The following PCDH9 variants were observed in gnomAD, a reference collection of about 807,000 sequenced individuals.
PCDH9 encodes protocadherin-9.
Under a neutral mutation model 70.6 loss-of-function variants are expected in PCDH9, and 24 were observed. That is an observed-to-expected ratio of 0.34 (90% CI 0.25 to 0.48). The LOEUF (loss-of-function observed/expected upper bound fraction) is 0.48. PCDH9 is among the 20% of genes least tolerant of loss of function. PCDH9 has a pLI of 0.99. For synonymous variants in PCDH9, 562 were observed against 558.5 expected (o/e 1.01, Z -0.09); for missense variants, 1,281 against 1,503.6 (o/e 0.85, Z 2.45).
rs999881551 is a variant in PCDH9, at chr13:67,161,897, C to G, written c.3036+63508G>C. Among the ~76,000 whole-genome samples the G allele has an allele frequency of 7.2e-5, 11 of 152,170 alleles. 1 individual carries two copies. Among genetic ancestry groups the G allele is most frequent in the Non-Finnish European group, 1.5e-5 (1 of 68,030 alleles). On this transcript the variant is annotated intron_variant, in intron 2 of 4. Transcript: ENST00000377865. ...TCCTCCAAGGAATATAGAGTTTCAG[C>G]CTTCTTCCAACTTACTAAAGTGATA...
At chr13:66,747,958 T>C (rs186034485) in intron 3 of PCDH9, among the ~76,000 whole-genome samples, 2 of 152,278 alleles carry the variant, frequency 1.3e-5, no homozygotes, top group Admixed American at 1.3e-4. Flanking sequence ...TTCAATGTAG[T>C]TCAGGATATA....
At chr13:67,166,204 T>C (rs1566468627) in intron 2 of PCDH9, among the ~76,000 whole-genome samples, 1 of 152,174 alleles carries the variant, frequency 6.6e-6, no homozygotes, top group Non-Finnish European at 1.5e-5. Context: ...TTATTCTCCT[T>C]TGATACAATT....
At chr13:66,403,837 C>G (rs1253970830) in intron 4 of PCDH9, among the ~76,000 whole-genome samples, 1 of 152,002 alleles carries the variant, frequency 6.6e-6, no homozygotes, top group Non-Finnish European at 1.5e-5. Flanking sequence ...CTTACAGACC[C>G]CAGGAGTCCC....
intron 2 of PCDH9, among the ~76,000 whole-genome samples, chr13:66,936,966 A>C (rs566458297): frequency 6.6e-6 from 1 of 152,238 alleles, no homozygotes; most frequent in African/African-American, 2.4e-5. Context: ...GTGGCGCATA[A>C]TTTGGAAAGG....
intron 2 of PCDH9, among the ~76,000 whole-genome samples, chr13:67,088,710 G>A (rs992575056): frequency 1.3e-5 from 2 of 152,084 alleles, no homozygotes; most frequent in East Asian, 1.9e-4. Context: ...TATAACATCA[G>A]GCTCCAGAGT....
At chr13:66,345,014 C>T (rs1460625213) in intron 4 of PCDH9, among the ~76,000 whole-genome samples, 11 of 152,192 alleles carry the variant, frequency 7.2e-5, no homozygotes, top group African/African-American at 2.7e-4. Flanking sequence ...CCACTACATG[C>T]ATGTGACACT....
intron 2 of PCDH9, among the ~76,000 whole-genome samples, chr13:67,089,476 T>G (rs1325973705): frequency 3.3e-5 from 5 of 151,980 alleles, no homozygotes; most frequent in African/African-American, 1.2e-4. Context: ...CATGTACTTA[T>G]TTTTCCACAT....
intron 2 of PCDH9, among the ~76,000 whole-genome samples, chr13:66,940,922 A>G (rs992985373): frequency 2.1e-4 from 32 of 151,962 alleles, no homozygotes; most frequent in African/African-American, 7.5e-4. Flanking sequence ...ACTCTTTAGG[A>G]TTCTTATGAA....
At chr13:67,111,562 T>C (rs906559728) in intron 2 of PCDH9, among the ~76,000 whole-genome samples, 2 of 152,160 alleles carry the variant, frequency 1.3e-5, no homozygotes, top group African/African-American at 4.8e-5. Flanking sequence ...AAAGGGAATA[T>C]TAGAGAAATT....
intron 4 of PCDH9, among the ~76,000 whole-genome samples, chr13:66,605,511 G>A (rs775416213): frequency 6.6e-6 from 1 of 152,102 alleles, no homozygotes; most frequent in Non-Finnish European, 1.5e-5. Context: ...GCACTTACAA[G>A]TATTGAACTG....
At chr13:67,223,570 T>C (rs2089780593) in intron 2 of PCDH9, 1 of 152,186 alleles carries the variant, frequency 6.6e-6, no homozygotes, top group South Asian at 2.1e-4. Flanking sequence ...TAAGAGCAAC[T>C]TTTTAATCAA....
chr13:66,654,696 T>C (rs953208674), intron 3 of PCDH9, among the ~76,000 whole-genome samples: 2 of 152,002 alleles, frequency 1.3e-5, no homozygotes, highest in Non-Finnish European at 1.5e-5. Flanking sequence ...ACTTGTTGTT[T>C]GTTGTTGTCT....
At chr13:66,776,123 G>A (rs142581805) in intron 3 of PCDH9, among the ~76,000 whole-genome samples, 1,565 of 151,988 alleles carry the variant, frequency 0.01, 31 homozygotes, top group African/African-American at 0.036. Flanking sequence ...TTGATGGGAC[G>A]TATCTCAAAA....
chr13:67,004,344 G>A (rs2084305553), intron 2 of PCDH9, among the ~76,000 whole-genome samples: 2 of 151,882 alleles, frequency 1.3e-5, no homozygotes, highest in African/African-American at 4.8e-5. Context: ...GCCGAGCCAG[G>A]TGGATCACCT....
chr13:67,208,019 G>C (rs2089391259), intron 2 of PCDH9: 1 of 152,096 alleles, frequency 6.6e-6, no homozygotes, highest in Admixed American at 6.5e-5. Context: ...TCAGATTCCA[G>C]TAACACCATC....
At chr13:66,571,407 A>C (rs2076730952) in intron 4 of PCDH9, among the ~76,000 whole-genome samples, 1 of 152,050 alleles carries the variant, frequency 6.6e-6, no homozygotes, top group African/African-American at 2.4e-5. Context: ...CTAATTGTAC[A>C]TGGAAAATTA....
chr13:66,983,952 A>T (rs1398288768), intron 2 of PCDH9, among the ~76,000 whole-genome samples: 2 of 152,042 alleles, frequency 1.3e-5, no homozygotes, highest in Non-Finnish European at 2.9e-5. Context: ...TATTCTATTG[A>T]AAAGCTACTC....
In PCDH9 at chr13:67,103,787, GAATTCCTACATCATTGACTAGGC is replaced by G. The variant is rs561372198; in HGVS notation, c.3036+121595_3036+121617del. 2.9e-3 allele frequency among the ~76,000 whole-genome samples: 436 copies of G among 152,118 alleles called. 2 individuals are homozygous for G. Among genetic ancestry groups the G allele is most frequent in the Non-Finnish European group, 5.2e-3 (356 of 67,958 alleles). On this transcript the variant is annotated intron_variant, in intron 2 of 4. Coordinates refer to ENST00000377865, the MANE Select transcript of PCDH9 (RefSeq NM_203487.3). ...ATGGGGACTTGAATGCTTGACTAGG[GAATTCCTACATCATTGACTAGGC>G]AGTGGGGAACCATCGAAAATCTTTG...
intron 2 of PCDH9, among the ~76,000 whole-genome samples, chr13:66,939,434 G>A (rs1275448464): frequency 4.7e-5 from 5 of 106,598 alleles, no homozygotes; most frequent in Non-Finnish European, 8.8e-5. Context: ...ATGTGTGTGT[G>A]TGTGTGTGTG....
Sources: gnomAD v4.1 joint callset for allele counts (sites outside exome capture counted in the v4.1 genomes callset) on GRCh38, gnomAD v4.1.1 for gene constraint, MANE v1.5 for transcripts, NCBI Gene and HGNC (gene_info 2026-07-23, HGNC 2026-07-21) for gene names.